The following PTPRG variants were observed in gnomAD, a reference collection of about 807,000 sequenced individuals.
PTPRG encodes receptor-type tyrosine-protein phosphatase gamma.
Under a neutral mutation model 165.3 loss-of-function variants are expected in PTPRG, and 102 were observed. The observed-to-expected ratio is 0.62, with a 90% CI of 0.53 to 0.73. The LOEUF (loss-of-function observed/expected upper bound fraction) is 0.73. Ranked by LOEUF, PTPRG falls within the 30% of genes least tolerant of loss-of-function variation. PTPRG has a pLI of 0.00. For missense variants in PTPRG, 1,866 were observed against 1,861.4 expected (o/e 1.00, Z -0.05); for synonymous variants, 675 against 669.5 (o/e 1.01, Z -0.13).
At chr3:62,095,830 A>G (rs1401920925) in intron 5 of PTPRG, among the ~76,000 whole-genome samples, 2 of 152,160 alleles carry the variant, frequency 1.3e-5, no homozygotes, top group Non-Finnish European at 2.9e-5. Flanking sequence ...TTACAGGCTG[A>G]GCAGAGGAGA....
At chr3:61,893,050 G>A (rs1402439979) in intron 2 of PTPRG, among the ~76,000 whole-genome samples, 1 of 152,170 alleles carries the variant, frequency 6.6e-6, no homozygotes, top group African/African-American at 2.4e-5. Context: ...CTTACATTTA[G>A]ACTGTTATCT....
At chr3:61,730,014 T>G (rs1326631039) in intron 1 of PTPRG, among the ~76,000 whole-genome samples, 1 of 152,242 alleles carries the variant, frequency 6.6e-6, no homozygotes, top group Non-Finnish European at 1.5e-5. Flanking sequence ...GTTTGCTCCA[T>G]GAAAATGATA....
chr3:62,086,060 T>G (rs1251989993), intron 5 of PTPRG, among the ~76,000 whole-genome samples: 1 of 152,184 alleles, frequency 6.6e-6, no homozygotes, highest in Non-Finnish European at 1.5e-5. Context: ...TATTTCAGTT[T>G]GAGAGTATGA....
chr3:61,943,790 A>C, intron 2 of PTPRG, among the ~76,000 whole-genome samples: 1 of 152,100 alleles, frequency 6.6e-6, no homozygotes, highest in South Asian at 2.1e-4. Flanking sequence ...AAAAAGCATG[A>C]ATGAAATGGC....
At chr3:61,854,101 G>A (rs1179044189) in intron 2 of PTPRG, among the ~76,000 whole-genome samples, 1 of 152,222 alleles carries the variant, frequency 6.6e-6, no homozygotes, top group East Asian at 1.9e-4. Flanking sequence ...GCAGAACTGA[G>A]TTGACAGCAA....
intron 2 of PTPRG, among the ~76,000 whole-genome samples, chr3:61,903,798 A>C (rs552168354): frequency 6.6e-6 from 1 of 152,338 alleles, no homozygotes; most frequent in African/African-American, 2.4e-5. Flanking sequence ...TGTATATTAA[A>C]CAAATTAAGT....
rs531669494 is a variant in PTPRG, at chr3:61,927,749, A to C, written c.191-61876A>C. The stretch of plus-strand genomic sequence containing the variant: ...AGGATGTTGCTGCTTTATAAAATTG[A>C]GGCCTCCTTGAAAGTTGTGTCATTT... On this transcript the variant is annotated intron_variant, in intron 2 of 29. Transcript: ENST00000474889. 2.0e-5 allele frequency among the ~76,000 whole-genome samples: 3 copies of C among 152,284 alleles called. No homozygotes were observed. In the South Asian group the frequency reaches 6.2e-4, roughly 32 times the overall value.
At chr3:61,739,832 A>G (rs1025532707) in intron 1 of PTPRG, among the ~76,000 whole-genome samples, 2 of 152,238 alleles carry the variant, frequency 1.3e-5, no homozygotes, top group Non-Finnish European at 2.9e-5. Context: ...GAAGGCAGCT[A>G]GCTGGATATT....
At chr3:61,937,834 C>G (rs775647645) in intron 2 of PTPRG, among the ~76,000 whole-genome samples, 1 of 152,096 alleles carries the variant, frequency 6.6e-6, no homozygotes, top group East Asian at 1.9e-4. Context: ...TTAAAATTAT[C>G]TATTAAGCAC....
At chr3:61,640,538 A>G (rs534050069) in intron 1 of PTPRG, among the ~76,000 whole-genome samples, 2 of 152,286 alleles carry the variant, frequency 1.3e-5, no homozygotes, top group African/African-American at 4.8e-5. Context: ...AAAGGGAGGT[A>G]CTCTTATCCC....
intron 6 of PTPRG, among the ~76,000 whole-genome samples, chr3:62,146,576 C>T (rs1704130782): frequency 6.6e-6 from 1 of 151,702 alleles, no homozygotes; most frequent in South Asian, 2.1e-4. Context: ...TTCCATACCT[C>T]CATCACTGCA....
chr3:61,713,956 T>C (rs1269062456), intron 1 of PTPRG, among the ~76,000 whole-genome samples: 1 of 152,242 alleles, frequency 6.6e-6, no homozygotes, highest in Non-Finnish European at 1.5e-5. Flanking sequence ...TGAACGATAA[T>C]GCCGTATTTT....
intron 14 of PTPRG, among the ~76,000 whole-genome samples, chr3:62,236,666 ATAG>A (rs1701040303): frequency 1.3e-5 from 2 of 152,232 alleles, no homozygotes; most frequent in Admixed American, 6.5e-5. Flanking sequence ...TGATGTGATT[ATAG>A]AACCATTGAG....
At chr3:61,793,264 A>C (rs1044617865) in intron 2 of PTPRG, among the ~76,000 whole-genome samples, 3 of 152,136 alleles carry the variant, frequency 2.0e-5, no homozygotes, top group South Asian at 4.2e-4. Flanking sequence ...ACTTGAATGG[A>C]TATGTCACCT....
rs371488686 is a variant in PTPRG at position 62,003,455 on chromosome 3, G to A, written c.477G>A (p.Ala159=). The A allele has an allele frequency of 1.3e-5, 21 of 1,613,844 alleles. No homozygotes were observed. The Admixed American group carries it at 1.3e-4, about 10-fold the overall frequency. ...ACTGGGGCCACAGCAATGGCTCAGC[G>A]GGCTCTGAACACAGCATCAATGGCA... ...EFHWGHSNGS[A]GSEHSINGRR... Residue 159 remains alanine (A), a synonymous_variant, in exon 4 of 30, where the codon GCG becomes GCA. Transcript: ENST00000474889.
At position 62,107,357 on chromosome 3, in the gene PTPRG, GC is replaced by G. The variant is rs1702509166; in HGVS notation, c.616-25244del. Among the ~76,000 whole-genome samples, 8 of 152,280 alleles carry G rather than the reference GC, an allele frequency of 5.3e-5. 2 individuals carry two copies. The South Asian group carries it at 1.7e-3, about 32-fold the overall frequency. ...GTTTTCATTAAAAGGAAGCTTCTGG[GC>G]TATTAAAGATGCATTGATATGCCTA... is the stretch of plus-strand genomic sequence containing the variant. On this transcript the variant is annotated intron_variant, in intron 5 of 29. Coordinates refer to ENST00000474889, the MANE Select transcript of PTPRG (RefSeq NM_002841.4).
At chr3:61,976,235 A>G (rs1322322315) in intron 2 of PTPRG, among the ~76,000 whole-genome samples, 2 of 152,232 alleles carry the variant, frequency 1.3e-5, no homozygotes, top group Non-Finnish European at 2.9e-5. Flanking sequence ...ATAATGCACT[A>G]CTGTAATGAT....
At chr3:61,819,655 A>G (rs1442367430) in intron 2 of PTPRG, among the ~76,000 whole-genome samples, 1 of 152,192 alleles carries the variant, frequency 6.6e-6, no homozygotes, top group Non-Finnish European at 1.5e-5. Flanking sequence ...TACATCTATC[A>G]ATTTACAGAA....
chr3:62,126,132 C>T (rs563115814), intron 5 of PTPRG, among the ~76,000 whole-genome samples: 36 of 152,252 alleles, frequency 2.4e-4, no homozygotes, highest in Admixed American at 1.5e-3. Flanking sequence ...CCATTTTGTA[C>T]GGATTTGCTA....
Sources: allele counts gnomAD v4.1 joint callset (sites outside exome capture counted in the v4.1 genomes callset), GRCh38; gene constraint gnomAD v4.1.1; transcripts MANE v1.5; gene names NCBI Gene and HGNC (gene_info 2026-07-23, HGNC 2026-07-21).